HFM1: variants seen among roughly 807,000 people sequenced by gnomAD.
The protein encoded by HFM1 is probable ATP-dependent DNA helicase HFM1.
A neutral mutation model predicts 192.1 loss-of-function variants in HFM1; 169 were observed. The observed-to-expected ratio is 0.88, with a 90% confidence interval of 0.78 to 1.00. The LOEUF (loss-of-function observed/expected upper bound fraction) is 1.00, where lower values mean the gene tolerates loss of function less well. Among genes scored for constraint, HFM1 ranks in the 50% least tolerant of loss-of-function variants. The pLI, the probability that HFM1 is intolerant of heterozygous loss-of-function variation, is 0.00. For missense variants in HFM1, 1,661 were observed against 1,668.0 expected (o/e 1.00, Z 0.07); for synonymous variants, 525 against 537.8 (o/e 0.98, Z 0.33).
At chr1:91,265,883 C>T in intron 36 of HFM1, 134 bp downstream of exon 36, 1 of 1,220,794 alleles carries the variant, frequency 8.2e-7, no homozygotes, top group Non-Finnish European at 1.1e-6. Context: ...AAATACACCT[C>T]TAAGATTAAG....
At chr1:91,352,431 G>T in intron 16 of HFM1, 75 bp downstream of exon 16, 1 of 1,099,724 alleles carries the variant, frequency 9.1e-7, no homozygotes, top group East Asian at 2.6e-5. Context: ...ATTATGACAT[G>T]CTAATCAAAA....
chr1:91,389,921 G>A lies in HFM1; in HGVS notation c.495-4087C>T, dbSNP rs147541211. 4.7e-3 allele frequency among the ~76,000 whole-genome samples: 718 copies of A among 152,234 alleles called. 4 individuals are homozygous for A. Among genetic ancestry groups the A allele is most frequent in the African/African-American group, 0.017 (691 of 41,544 alleles). On this transcript the variant is annotated intron_variant, in intron 4 of 38. Transcript: ENST00000370425. ...TGGAAAACAATTTGGCAGTTCCTCA[G>A]AAAAGTTAAATATAAAGTTACCATA...
intron 20 of HFM1, among the ~76,000 whole-genome samples, chr1:91,326,917 T>C (rs553474465): frequency 1.1e-4 from 17 of 152,230 alleles, no homozygotes; most frequent in Non-Finnish European, 1.9e-4. Context: ...CATTTTTGTT[T>C]GCTTGTTTAG....
At chr1:91,316,000 G>A (rs779254946) in intron 27 of HFM1, 28 bp from the exon 28 acceptor site, 6 of 1,544,228 alleles carry the variant, frequency 3.9e-6, no homozygotes, top group Admixed American at 3.5e-5. Context: ...TATAAAAAGT[G>A]TTAAAAATAA....
intron 21 of HFM1, among the ~76,000 whole-genome samples, chr1:91,324,270 G>A (rs143749155): frequency 6.6e-6 from 1 of 152,234 alleles, no homozygotes; most frequent in East Asian, 1.9e-4. Context: ...CAAGTACGTG[G>A]CACACATGCT....
chr1:91,381,088 G>C lies in HFM1; in HGVS notation c.803-106C>G. 3 of 628,366 alleles carry C rather than the reference G, an allele frequency of 4.8e-6. No individual in the cohort carries two copies. The Admixed American group carries it at 8.0e-5, about 17-fold the overall frequency. 38.9% of individuals were successfully genotyped at this position (628,366 alleles called of 1,614,324 possible). On this transcript the variant is annotated intron_variant, in intron 6 of 38. Coordinates refer to ENST00000370425, the MANE Select transcript of HFM1 (RefSeq NM_001017975.6). ...ATAGATTCTGACAATATTTAATGAT[G>C]AGGTTTTAACATTTGCTATCTGGCA...
In HFM1 at chr1:91,276,142, A is replaced by G. The variant is rs542999208; in HGVS notation, c.3588+486T>C. Among the ~76,000 whole-genome samples the G allele has an allele frequency of 2.6e-5, 4 of 152,122 alleles. No individual in the cohort carries two copies. The South Asian group carries it at 8.3e-4, about 32-fold the overall frequency. On this transcript the variant is annotated intron_variant, in intron 32 of 38. Coordinates refer to ENST00000370425, the MANE Select transcript of HFM1 (RefSeq NM_001017975.6). ...TTGGAATATTTAGCTATCCCTTCCT[A>G]CGATCATTCTGGTGCCTGCCCCTCC...
intron 30 of HFM1, among the ~76,000 whole-genome samples, chr1:91,307,272 G>A (rs1486706511): frequency 6.6e-6 from 1 of 151,552 alleles, no homozygotes; most frequent in African/African-American, 2.4e-5. Flanking sequence ...GTATTTTTTT[G>A]CTTTGCATTT....
At position 91,312,022 on chromosome 1, in the gene HFM1, G is replaced by A. The variant is rs570710431; in HGVS notation, c.3391+1327C>T. On this transcript the variant is annotated intron_variant, in intron 30 of 38. Transcript: ENST00000370425. ...CTTCCACATGGTATTGAGCCTGTGGGTACACAGAAGTCAAGAATCGAGGTT... is the reference window on the plus strand; with the variant it reads ...CTTCCACATGGTATTGAGCCTGTGGATACACAGAAGTCAAGAATCGAGGTT... 3.5e-4 allele frequency among the ~76,000 whole-genome samples: 53 copies of A among 152,338 alleles called. 3 individuals carry two copies. The South Asian group carries it at 0.011, about 30-fold the overall frequency.
chr1:91,322,028 G>A (rs1468022656), intron 23 of HFM1, among the ~76,000 whole-genome samples: 1 of 152,144 alleles, frequency 6.6e-6, no homozygotes. Flanking sequence ...TACATCGTTT[G>A]TAAAATGAGA....
At chr1:91,340,154 T>C (rs769780658) in intron 20 of HFM1, among the ~76,000 whole-genome samples, 3 of 152,040 alleles carry the variant, frequency 2.0e-5, no homozygotes, top group Non-Finnish European at 4.4e-5. Flanking sequence ...TATAGACACA[T>C]GCCATCATGC....
intron 20 of HFM1, among the ~76,000 whole-genome samples, chr1:91,336,588 C>G (rs1280283893): frequency 1.3e-5 from 2 of 152,114 alleles, no homozygotes; most frequent in African/African-American, 4.8e-5. Flanking sequence ...ACAACAGAAG[C>G]CGGCAAGATT....
chr1:91,396,957 T>C (rs1015365836), intron 2 of HFM1, among the ~76,000 whole-genome samples: 3 of 152,124 alleles, frequency 2.0e-5, no homozygotes, highest in Non-Finnish European at 2.9e-5. Flanking sequence ...GCAACGACAT[T>C]AGATTCTCAC....
chr1:91,376,797 G>A (rs1043421371), intron 11 of HFM1, among the ~76,000 whole-genome samples: 1 of 151,754 alleles, frequency 6.6e-6, no homozygotes, highest in Admixed American at 6.6e-5. Flanking sequence ...ACTATCCAGT[G>A]TTAGGATACA....
rs1337413539 is a variant in HFM1 at position 91,375,365 on chromosome 1, T to G, written c.1678A>C (p.Lys560Gln). The G allele has an allele frequency of 2.2e-5, 35 of 1,609,850 alleles. No individual in the cohort carries two copies. The highest frequency in any genetic ancestry group is 3.0e-5 in the Non-Finnish European group (35 of 1,176,984). Residue 560 changes from lysine to glutamine, a missense_variant, in exon 13 of 39, where the codon AAA (lysine) becomes CAA (glutamine). Lys to Gln is a moderately conservative substitution (Grantham distance 53). Transcript: ENST00000370425. ...AAAAATAAAATACTATACCTCTGTT[T>G]CTGTTCCACAGTCATAATAAATTTA... ...DAKFIMTVEQ[K>Q]QRLQKYAYSV...
At position 91,396,400 on chromosome 1, in the gene HFM1, G is replaced by A. The variant is rs1489711805; in HGVS notation, c.77C>T (p.Pro26Leu). The stretch of plus-strand genomic sequence containing the variant: ...CCAATCCAATGACTTTTCATTGTCT[G>A]GATGGCTATATAAAATATAAAAATG... ...FEKPDEVENH[P>L]DNEKSLDWFL... is the part of the protein sequence containing the mutation. Residue 26 changes from proline (P) to leucine (L), a missense_variant, in exon 3 of 39, where the codon CCA becomes CTA. Coordinates refer to ENST00000370425, the MANE Select transcript of HFM1 (RefSeq NM_001017975.6). The A allele has an allele frequency of 2.0e-6, 3 of 1,528,340 alleles. No homozygotes were observed. Among genetic ancestry groups the A allele is most frequent in the East Asian group, 2.3e-5 (1 of 44,360 alleles). 94.7% of individuals were successfully genotyped at this position (1,528,340 alleles called of 1,614,324 possible).
intron 30 of HFM1, among the ~76,000 whole-genome samples, chr1:91,284,408 T>C (rs554147264): frequency 1.6e-3 from 249 of 152,128 alleles, no homozygotes; most frequent in African/African-American, 5.7e-3. Context: ...CCTGCCACCA[T>C]GCCCAGCTAA....
intron 30 of HFM1, among the ~76,000 whole-genome samples, chr1:91,298,028 T>G (rs1647967286): frequency 6.6e-6 from 1 of 152,018 alleles, no homozygotes; most frequent in Non-Finnish European, 1.5e-5. Flanking sequence ...GCAAAGAAGT[T>G]AAAAACCTTG....
intron 23 of HFM1, 71 bp downstream of exon 23, chr1:91,322,874 CTGTAT>C: frequency 4.6e-6 from 3 of 645,180 alleles, no homozygotes; most frequent in South Asian, 6.1e-5. Context: ...GTAATCTTTT[CTGTAT>C]TAAGAAAAAC....
Sources: allele counts gnomAD v4.1 joint callset (sites outside exome capture counted in the v4.1 genomes callset), GRCh38; gene constraint gnomAD v4.1.1; transcripts MANE v1.5; gene names NCBI Gene and HGNC (gene_info 2026-07-23, HGNC 2026-07-21).